The following DGKG variants were observed in gnomAD, a reference collection of about 807,000 sequenced individuals.
DGKG encodes the protein diacylglycerol kinase gamma.
In DGKG, 78 loss-of-function variants were observed where a neutral mutation model predicts 105.3. The ratio of observed to expected loss-of-function variants is 0.74; its 90% CI spans 0.62 to 0.89. The LOEUF is 0.89. DGKG is among the 40% of genes least tolerant of loss of function. The probability of loss-of-function intolerance (pLI) is 0.00; values close to 1 mark genes in which losing one functional copy is unlikely to be tolerated. For synonymous variants in DGKG, 346 were observed against 367.1 expected (o/e 0.94, Z 0.66); for missense variants, 958 against 1,020.1 (o/e 0.94, Z 0.83).
intron 10 of DGKG, among the ~76,000 whole-genome samples, chr3:186,273,829 C>T (rs1722447521): frequency 6.6e-6 from 1 of 152,206 alleles, no homozygotes; most frequent in African/African-American, 2.4e-5. Context: ...GCGGGCCTCC[C>T]TGCAGCAGCA....
intron 20 of DGKG, among the ~76,000 whole-genome samples, chr3:186,222,060 G>A (rs886320476): frequency 5.9e-5 from 9 of 152,232 alleles, no homozygotes; most frequent in Admixed American, 2.6e-4. Flanking sequence ...ATTTGTAGAC[G>A]TGTGAGATGG....
rs972175758 is a variant in DGKG at position 186,213,905 on chromosome 3, C to A, written c.1827-2020G>T. Reference sequence around the variant, plus strand: ...CAGAACGAGGGTCAGTGCCTTTCCACAGTCAATGATGGCAAAAGACTAAGT... The same window carrying A: ...CAGAACGAGGGTCAGTGCCTTTCCAAAGTCAATGATGGCAAAAGACTAAGT... On this transcript the variant is annotated intron_variant, in intron 20 of 24. Transcript: ENST00000265022. Among the ~76,000 whole-genome samples, 3 of 152,206 alleles carry A rather than the reference C, an allele frequency of 2.0e-5. No homozygotes were observed. The South Asian group carries it at 6.2e-4, about 31-fold the overall frequency.
intron 11 of DGKG, among the ~76,000 whole-genome samples, chr3:186,269,752 TTTTCACACCTG>T (rs2108583144): frequency 6.6e-6 from 1 of 152,314 alleles, no homozygotes; most frequent in South Asian, 2.1e-4. Context: ...CCATTGGTGC[TTTTCACACCTG>T]TTTCCTGGGG....
chr3:186,170,774 C>A (rs928350107), intron 22 of DGKG, among the ~76,000 whole-genome samples: 20 of 152,150 alleles, frequency 1.3e-4, no homozygotes, highest in Admixed American at 3.9e-4. Context: ...AGTCTATCTA[C>A]CTTCTTAGAG....
At chr3:186,260,184 T>C (rs910851987) in intron 16 of DGKG, among the ~76,000 whole-genome samples, 2 of 152,176 alleles carry the variant, frequency 1.3e-5, no homozygotes, top group Admixed American at 6.5e-5. Flanking sequence ...GTGTGCAGTT[T>C]TCCCCCTCTT....
At chr3:186,267,422 G>A (rs1029850465) in intron 13 of DGKG, among the ~76,000 whole-genome samples, 4 of 152,142 alleles carry the variant, frequency 2.6e-5, no homozygotes, top group Non-Finnish European at 5.9e-5. Flanking sequence ...GAGCAGAAAA[G>A]ATTAACAACT....
intron 21 of DGKG, among the ~76,000 whole-genome samples, chr3:186,198,992 G>GT (rs1420905292): frequency 1.3e-5 from 2 of 152,086 alleles, no homozygotes; most frequent in Non-Finnish European, 2.9e-5. Flanking sequence ...TTGTTACCCA[G>GT]GCTGGAGTGC....
chr3:186,324,240 G>A (rs1001193790), intron 1 of DGKG, among the ~76,000 whole-genome samples: 32 of 152,250 alleles, frequency 2.1e-4, no homozygotes, highest in African/African-American at 7.5e-4. Context: ...CCAGAAGGCA[G>A]AGAATTTGAA....
chr3:186,297,122 C>T (rs1183790345), intron 5 of DGKG, among the ~76,000 whole-genome samples: 1 of 86,308 alleles, frequency 1.2e-5, no homozygotes, highest in Admixed American at 1.1e-4. Context: ...TGAGAAGGCT[C>T]TCCACTTTTT....
chr3:186,347,298 AT>A (rs1429649874), intron 1 of DGKG, among the ~76,000 whole-genome samples: 1 of 151,850 alleles, frequency 6.6e-6, no homozygotes, highest in Non-Finnish European at 1.5e-5. Flanking sequence ...AATACAAAAA[AT>A]TAGCCAGGCA....
chr3:186,148,991 AAT>A lies in DGKG; in HGVS notation c.*1097_*1098del, dbSNP rs564676538. On this transcript the variant is annotated 3_prime_UTR_variant, in exon 25 of 25. Transcript: ENST00000265022. The stretch of plus-strand genomic sequence containing the variant: ...TATATATATATAAATATATAGGCTA[AAT>A]ATATATATATACACGCACACACACA... 1.6e-3 allele frequency: 1,193 copies of A among 758,512 alleles called. No homozygotes were observed. Among genetic ancestry groups the A allele is most frequent in the Non-Finnish European group, 1.7e-3 (1,088 of 626,302 alleles). The allele number at this position is 758,512 out of a possible 1,614,324, so 47.0% of individuals were successfully genotyped here.
At chr3:186,269,077 C>T (rs1006980246) in intron 11 of DGKG, among the ~76,000 whole-genome samples, 160 bp from the exon 12 acceptor site, 9 of 152,236 alleles carry the variant, frequency 5.9e-5, no homozygotes, top group African/African-American at 2.2e-4. Flanking sequence ...TGCCTAATGG[C>T]ACGATGTGGT....
At chr3:186,326,951 A>T (rs949229352) in intron 1 of DGKG, among the ~76,000 whole-genome samples, 1 of 152,172 alleles carries the variant, frequency 6.6e-6, no homozygotes, top group Non-Finnish European at 1.5e-5. Context: ...TGAGCCCAGG[A>T]GTTCTAGACC....
At chr3:186,265,362 A>C in intron 13 of DGKG, 56 bp from the exon 14 acceptor site, 3 of 1,523,478 alleles carry the variant, frequency 2.0e-6, no homozygotes, top group Non-Finnish European at 2.7e-6. Flanking sequence ...TAACACAAAG[A>C]AAGAGATCAG....
intron 2 of DGKG, among the ~76,000 whole-genome samples, chr3:186,310,274 A>AAAAAAAAAC (rs1724466504): frequency 6.8e-6 from 1 of 146,052 alleles, no homozygotes; most frequent in Non-Finnish European, 1.5e-5. Context: ...TCAAAAAAAA[A>AAAAAAAAAC]AAAAAAAAAA....
chr3:186,168,643 T>C (rs1236321305), intron 22 of DGKG, among the ~76,000 whole-genome samples: 2 of 151,898 alleles, frequency 1.3e-5, no homozygotes, highest in Admixed American at 1.3e-4. Context: ...GATCAGGAGT[T>C]CAAGACCAGC....
chr3:186,260,655 C>T (rs6444119), intron 15 of DGKG, 142 bp from the exon 16 acceptor site: 22,969 of 671,278 alleles, frequency 0.034, 442 homozygotes, highest in African/African-American at 0.045. Flanking sequence ...GGGGAGGGCA[C>T]TGCCTGCTGA....
intron 24 of DGKG, among the ~76,000 whole-genome samples, chr3:186,154,089 CT>C (rs1388059967): frequency 6.6e-6 from 1 of 152,094 alleles, no homozygotes; most frequent in Non-Finnish European, 1.5e-5. Context: ...AAAGTGAGAC[CT>C]TGTCTCAACA....
chr3:186,260,183 T>C (rs984284075), intron 16 of DGKG, among the ~76,000 whole-genome samples: 1 of 152,126 alleles, frequency 6.6e-6, no homozygotes, highest in African/African-American at 2.4e-5. Flanking sequence ...TGTGTGCAGT[T>C]TTCCCCCTCT....
Sources: gnomAD v4.1 joint callset for allele counts (sites outside exome capture counted in the v4.1 genomes callset) on GRCh38, gnomAD v4.1.1 for gene constraint, MANE v1.5 for transcripts, NCBI Gene and HGNC (gene_info 2026-07-23, HGNC 2026-07-21) for gene names.